TGM2: variants seen among roughly 807,000 people sequenced by gnomAD.
TGM2 encodes transglutaminase 2.
In TGM2, 53 loss-of-function variants were observed where a neutral mutation model predicts 75.6. The ratio of observed to expected loss-of-function variants is 0.70; its 90% CI spans 0.56 to 0.88. TGM2 has a LOEUF of 0.88. Among genes scored for constraint, TGM2 ranks in the 40% least tolerant of loss-of-function variants. TGM2 has a pLI of 0.00. For synonymous variants in TGM2, 374 were observed against 381.1 expected (o/e 0.98, Z 0.22); for missense variants, 842 against 928.5 (o/e 0.91, Z 1.21).
At position 38,141,342 on chromosome 20, in the gene TGM2, G is replaced by A. The variant is rs1196349668; in HGVS notation, c.1039C>T (p.Leu347=). The change falls in exon 8 of 13, where the codon CTG becomes TTG. Residue 347 remains leucine (L), a synonymous_variant. Coordinates refer to ENST00000361475, the MANE Select transcript of TGM2 (RefSeq NM_004613.4). ...TGCCAGCCCTCGTACCCCGGCTGCA[G>A]GTCCGGCCTGGTCATCCACGACTCC... The part of the protein sequence containing the change: ...WVESWMTRPD[L]QPGYEGWQAL... 1.3e-6 allele frequency: 2 copies of A among 1,590,464 alleles called. No individual in the cohort carries two copies. Among genetic ancestry groups the A allele is most frequent in the East Asian group, 2.3e-5 (1 of 43,922 alleles).
chr20:38,137,909 A>G (rs2074919502), intron 10 of TGM2: 2 of 1,230,158 alleles, frequency 1.6e-6, no homozygotes, highest in Non-Finnish European at 2.2e-6. Context: ...TGGAAAACGG[A>G]GCCATGTTAG....
intron 3 of TGM2, among the ~76,000 whole-genome samples, chr20:38,153,130 C>T (rs528401413): frequency 1.8e-4 from 28 of 152,162 alleles, no homozygotes; most frequent in Non-Finnish European, 3.8e-4. Flanking sequence ...GACGCATGGT[C>T]CCTGCGTGCC....
intron 7 of TGM2, 144 bp downstream of exon 7, chr20:38,141,920 C>A: frequency 1.0e-6 from 1 of 972,686 alleles, no homozygotes; most frequent in Non-Finnish European, 1.6e-6. Context: ...GACTTTCCCT[C>A]TAGGCCTTCC....
At chr20:38,157,754 G>A (rs766956810) in intron 2 of TGM2, among the ~76,000 whole-genome samples, 9 of 152,174 alleles carry the variant, frequency 5.9e-5, no homozygotes, top group Non-Finnish European at 7.4e-5. Context: ...TTTCATGAAC[G>A]CCTCCTGGCT....
intron 10 of TGM2, among the ~76,000 whole-genome samples, chr20:38,135,979 C>A (rs1022958954): frequency 1.3e-5 from 2 of 152,184 alleles, no homozygotes; most frequent in Non-Finnish European, 2.9e-5. Flanking sequence ...GCATGTTCAC[C>A]GCGCCCAAGG....
chr20:38,132,963 T>C (rs1444032018), intron 10 of TGM2: 1 of 422,636 alleles, frequency 2.4e-6, no homozygotes, highest in East Asian at 7.2e-5. Flanking sequence ...CACCAGGCAC[T>C]GCACTTCCCA....
chr20:38,160,487 G>A (rs2075240688), intron 2 of TGM2, among the ~76,000 whole-genome samples: 2 of 152,342 alleles, frequency 1.3e-5, no homozygotes, highest in South Asian at 4.1e-4. Context: ...CCCCATAGCA[G>A]ACACTTAACA....
Position 38,132,388 on chromosome 20 carries a change from CAGGTAG to C in TGM2, c.1722_1727del (p.Ser574_Leu576delinsArg). 1 of 1,614,158 alleles carries C rather than the reference CAGGTAG, an allele frequency of 6.2e-7. No individual in the cohort carries two copies. Among genetic ancestry groups the C allele is most frequent in the Non-Finnish European group, 8.5e-7 (1 of 1,180,042 alleles). On this transcript the variant is annotated inframe_deletion, in exon 11 of 13. Coordinates refer to ENST00000361475, the MANE Select transcript of TGM2 (RefSeq NM_004613.4). Reference sequence around the variant, plus strand: ...CCAGGTAGAGGTCCCTCTCAGCCAGCAGGTAGCTGTTGATAACTGGCTCCACGAGGA... The same window carrying C: ...CCAGGTAGAGGTCCCTCTCAGCCAGCCTGTTGATAACTGGCTCCACGAGGA...
In TGM2 at chr20:38,139,317, A is replaced by G. The variant is rs1332174949; in HGVS notation, c.1342+95T>C. Reference sequence around the variant, plus strand: ...GGCCATTGCTGTACGTAGGCTACCAATTAAAACACACGCACACACATACAC... The same window carrying G: ...GGCCATTGCTGTACGTAGGCTACCAGTTAAAACACACGCACACACATACAC... On this transcript the variant is annotated intron_variant, in intron 9 of 12. Transcript: ENST00000361475. The G allele has an allele frequency of 5.0e-6, 8 of 1,589,650 alleles. No individual in the cohort carries two copies. In the East Asian group the frequency reaches 1.8e-4, roughly 36 times the overall value.
intron 6 of TGM2, among the ~76,000 whole-genome samples, chr20:38,143,056 G>T (rs1406711435): frequency 6.6e-6 from 1 of 152,242 alleles, no homozygotes; most frequent in Non-Finnish European, 1.5e-5. Context: ...AGGCCAGTGA[G>T]GGATCTGTCT....
intron 6 of TGM2, among the ~76,000 whole-genome samples, chr20:38,142,542 C>A (rs983119916): frequency 6.6e-6 from 1 of 152,150 alleles, no homozygotes; most frequent in African/African-American, 2.4e-5. Context: ...CCCGTCTCTA[C>A]TAAAAATACA....
At chr20:38,137,640 CTT>C in intron 10 of TGM2, among the ~76,000 whole-genome samples, 1 of 152,230 alleles carries the variant, frequency 6.6e-6, no homozygotes, top group East Asian at 1.9e-4. Flanking sequence ...GGGTTAGAGA[CTT>C]TTCTTTGAGG....
chr20:38,160,317 C>G (rs1416436270), intron 2 of TGM2, among the ~76,000 whole-genome samples: 2 of 152,242 alleles, frequency 1.3e-5, no homozygotes, highest in East Asian at 3.8e-4. Context: ...ACCAGACCCA[C>G]TGATTTGGCA....
chr20:38,157,985 G>A (rs1410582679), intron 2 of TGM2, among the ~76,000 whole-genome samples: 1 of 152,242 alleles, frequency 6.6e-6, no homozygotes, highest in Non-Finnish European at 1.5e-5. Flanking sequence ...CTGAGGTTGA[G>A]AGGGGTGGTG....
At chr20:38,153,042 G>C (rs1043750005) in intron 3 of TGM2, among the ~76,000 whole-genome samples, 4 of 136,248 alleles carry the variant, frequency 2.9e-5, no homozygotes, top group South Asian at 2.7e-4. Flanking sequence ...ATGGGGCGGG[G>C]GGGGGGATCC....
At chr20:38,151,134 G>A in intron 3 of TGM2, 77 bp from the exon 4 acceptor site, 5 of 1,084,232 alleles carry the variant, frequency 4.6e-6, no homozygotes, top group Middle Eastern at 2.0e-4. Flanking sequence ...AGTCAAGGGT[G>A]CCAATTCCCT....
intron 1 of TGM2, among the ~76,000 whole-genome samples, chr20:38,164,316 G>A (rs996818369): frequency 4.6e-5 from 7 of 152,206 alleles, no homozygotes; most frequent in Non-Finnish European, 1.0e-4. Flanking sequence ...TGCAATGGGT[G>A]CAGAAGCCAT....
chr20:38,152,731 G>T (rs1028459995), intron 3 of TGM2, among the ~76,000 whole-genome samples: 4 of 152,186 alleles, frequency 2.6e-5, no homozygotes, highest in African/African-American at 9.7e-5. Flanking sequence ...CTCCCGCAGC[G>T]CCCCTGCGCT....
At chr20:38,130,833 C>T (rs907102272) in intron 12 of TGM2, among the ~76,000 whole-genome samples, 4 of 152,308 alleles carry the variant, frequency 2.6e-5, no homozygotes, top group Non-Finnish European at 5.9e-5. Flanking sequence ...TGAGGATGCA[C>T]GTGTCTGCAG....
Sources: allele counts gnomAD v4.1 joint callset (sites outside exome capture counted in the v4.1 genomes callset), GRCh38; gene constraint gnomAD v4.1.1; transcripts MANE v1.5; gene names NCBI Gene and HGNC (gene_info 2026-07-23, HGNC 2026-07-21).